PNPLA7: variants seen among roughly 807,000 people sequenced by gnomAD.
PNPLA7 encodes patatin-like phospholipase domain-containing protein 7.
Under a neutral mutation model 161.7 loss-of-function variants are expected in PNPLA7, and 153 were observed. That is an observed-to-expected ratio of 0.95 (90% CI 0.83 to 1.08). The LOEUF (loss-of-function observed/expected upper bound fraction) is 1.08. PNPLA7 is among the 50% of genes least tolerant of loss of function. The pLI is 0.00. For synonymous variants in PNPLA7, 809 were observed against 782.1 expected (o/e 1.03, Z -0.57); for missense variants, 1,739 against 1,856.6 (o/e 0.94, Z 1.16).
At chr9:137,463,388 C>A in intron 29 of PNPLA7, 27 bp downstream of exon 29, 2 of 1,568,480 alleles carry the variant, frequency 1.3e-6, no homozygotes, top group East Asian at 2.3e-5. Context: ...TGTGCTCCTG[C>A]CGGGCGTGGT....
At chr9:137,482,386 G>A (rs1488355671) in intron 21 of PNPLA7, among the ~76,000 whole-genome samples, 5 of 152,322 alleles carry the variant, frequency 3.3e-5, no homozygotes, top group East Asian at 1.9e-4. Flanking sequence ...GGCAGCGGAC[G>A]ATGACTCAGC....
chr9:137,494,411 G>A (rs536012927), intron 19 of PNPLA7, among the ~76,000 whole-genome samples: 4 of 151,996 alleles, frequency 2.6e-5, no homozygotes, highest in Admixed American at 1.3e-4. Context: ...CACCGTCACC[G>A]CCCCCACCCA....
chr9:137,484,595 C>A lies in PNPLA7; in HGVS notation c.2339G>T (p.Ser780Ile). ...AFALELEHAL[S>I]AIGPTLLLTS... is the part of the protein sequence containing the mutation. The stretch of plus-strand genomic sequence containing the variant: ...GGGAGGCTCAGGCTTACCGATGGCG[C>A]TGAGGGCATGCTCCAGCTCCAGGGC... Residue 780 changes from serine to isoleucine, a missense_variant, in exon 21 of 35, where the codon AGC becomes ATC. Coordinates refer to ENST00000406427, the MANE Select transcript of PNPLA7 (RefSeq NM_001098537.3). 1 of 1,607,774 alleles carries A rather than the reference C, an allele frequency of 6.2e-7. No homozygotes were observed. The highest frequency in any genetic ancestry group is 8.5e-7 in the Non-Finnish European group (1 of 1,176,242).
intron 11 of PNPLA7, among the ~76,000 whole-genome samples, chr9:137,519,293 G>A (rs571601971): frequency 2.8e-4 from 43 of 152,348 alleles, no homozygotes; most frequent in African/African-American, 9.4e-4. Context: ...AGTGCACGCC[G>A]CACCCGACCG....
rs1231862008 is a variant in PNPLA7, at chr9:137,491,474, G to A, written c.2197+1539C>T. ...CAAGAAACTCACTTCAAAACTCACG[G>A]TGCCGGTAAGTGGAGAGCGAAGAGT... On this transcript the variant is annotated intron_variant, in intron 20 of 34. Transcript: ENST00000406427. 6 of 980,346 alleles carry A rather than the reference G, an allele frequency of 6.1e-6. No homozygotes were observed. In the African/African-American group the frequency reaches 1.1e-4, roughly 17 times the overall value. 60.7% of individuals were successfully genotyped at this position (980,346 alleles called of 1,614,324 possible). A position where few individuals can be genotyped will look rare whatever the true frequency, so the allele number is the denominator to read the frequency against.
rs1833336858 is a variant in PNPLA7 at position 137,500,569 on chromosome 9, G to T, written c.1757+122C>A. 2 of 946,284 alleles carry T rather than the reference G, an allele frequency of 2.1e-6. No individual in the cohort carries two copies. Among genetic ancestry groups the T allele is most frequent in the Non-Finnish European group, 3.1e-6 (2 of 636,284 alleles). The allele number at this position is 946,284 out of a possible 1,614,324, so 58.6% of individuals were successfully genotyped here. On this transcript the variant is annotated intron_variant, in intron 16 of 34. Transcript: ENST00000406427. The surrounding 1 kb of genome is among the most constrained non-coding windows in gnomAD (Gnocchi z 5.5). ...GGCCCACACAGGTGCCGGGGACAAAGAGGGGAGCCCGAGAAGCAGGGAAGA... is the reference window on the plus strand; with the variant it reads ...GGCCCACACAGGTGCCGGGGACAAATAGGGGAGCCCGAGAAGCAGGGAAGA...
At chr9:137,485,925 G>T (rs544003905) in intron 20 of PNPLA7, among the ~76,000 whole-genome samples, 1 of 152,272 alleles carries the variant, frequency 6.6e-6, no homozygotes, top group East Asian at 1.9e-4. Context: ...TTTACTGGAT[G>T]CCGTCTGGCG....
At chr9:137,534,886 G>C (rs821306) in intron 8 of PNPLA7, among the ~76,000 whole-genome samples, 3 of 138,954 alleles carry the variant, frequency 2.2e-5, no homozygotes, top group South Asian at 2.5e-4. Context: ...CAAACACCAG[G>C]ACCAAGTCCC....
chr9:137,539,504 T>A lies in PNPLA7; in HGVS notation c.747+1138A>T, dbSNP rs1836074488. On this transcript the variant is annotated intron_variant, in intron 8 of 34. Coordinates refer to ENST00000406427, the MANE Select transcript of PNPLA7 (RefSeq NM_001098537.3). Reference sequence around the variant, plus strand: ...CTGGCCAACATGGCAAAACCTCATCTCTATCTCTACAAAAAAATACAAAAT... The same window carrying A: ...CTGGCCAACATGGCAAAACCTCATCACTATCTCTACAAAAAAATACAAAAT... 2.0e-5 allele frequency among the ~76,000 whole-genome samples: 3 copies of A among 152,226 alleles called. No homozygotes were observed. The South Asian group carries it at 6.2e-4, about 32-fold the overall frequency.
chr9:137,460,490 G>T lies in PNPLA7; in HGVS notation c.3946-14C>A. 6 of 1,611,730 alleles carry T rather than the reference G, an allele frequency of 3.7e-6. No homozygotes were observed. The highest frequency in any genetic ancestry group is 4.2e-6 in the Non-Finnish European group (5 of 1,179,706). ...GGACTCGTCCTCCTGCAAGCAGACC[G>T]CATGTTCCAGGTGAGGACCAGGCAG... On this transcript the variant is annotated splice_polypyrimidine_tract_variant and intron_variant, in intron 34 of 34. Transcript: ENST00000406427.
At chr9:137,460,891 C>T in intron 33 of PNPLA7, 154 bp from the exon 34 acceptor site, 2 of 627,582 alleles carry the variant, frequency 3.2e-6, no homozygotes, top group Non-Finnish European at 5.6e-6. Flanking sequence ...CCAGGGCAGC[C>T]CTGCACACCA....
chr9:137,466,334 C>T (rs975471837), intron 26 of PNPLA7, among the ~76,000 whole-genome samples: 28 of 151,864 alleles, frequency 1.8e-4, no homozygotes, highest in African/African-American at 6.8e-4. Context: ...CAGACCGCCT[C>T]CCATCGTCAA....
In PNPLA7 at chr9:137,478,079, A is replaced by G; in HGVS notation, c.2837T>C (p.Leu946Pro). The change falls in exon 25 of 35, where the codon CTG (leucine) becomes CCG (proline). Residue 946 changes from leucine (L) to proline (P), a missense_variant. Leu to Pro is a moderately conservative substitution (Grantham distance 98, BLOSUM62 -3). This residue lies in a region of PNPLA7 where 703 missense variants were observed against 694.6 expected (regional missense o/e 1.01). Transcript: ENST00000406427. ...HSDFSRLARV[L>P]TGNAIALVLG... The stretch of plus-strand genomic sequence containing the variant: ...CACCAGGGCAATGGCGTTGCCCGTC[A>G]GCACCCTCGCCAGGCGGGAGAAGTC... 1 of 1,403,146 alleles carries G rather than the reference A, an allele frequency of 7.1e-7. No individual in the cohort carries two copies. 86.9% of individuals were successfully genotyped at this position (1,403,146 alleles called of 1,614,324 possible). A position where few individuals can be genotyped will look rare whatever the true frequency, so the allele number is the denominator to read the frequency against.
At chr9:137,531,321 TAAC>T (rs1160763766) in intron 8 of PNPLA7, among the ~76,000 whole-genome samples, 3 of 152,182 alleles carry the variant, frequency 2.0e-5, no homozygotes, top group Non-Finnish European at 2.9e-5. Flanking sequence ...GGAAAAAGAA[TAAC>T]AACTTAGCAG....
At chr9:137,515,735 C>T (rs933187851) in intron 11 of PNPLA7, among the ~76,000 whole-genome samples, 7 of 147,824 alleles carry the variant, frequency 4.7e-5, no homozygotes, top group Admixed American at 1.3e-4. Flanking sequence ...GGCCCCTCCC[C>T]GCCCAATCCC....
At position 137,497,147 on chromosome 9, in the gene PNPLA7, T is replaced by C. The variant is rs1833101671; in HGVS notation, c.2013+40A>G. 5 of 1,496,678 alleles carry C rather than the reference T, an allele frequency of 3.3e-6. No individual in the cohort carries two copies. The East Asian group carries it at 1.0e-4, about 31-fold the overall frequency. The allele number at this position is 1,496,678 out of a possible 1,614,324, so 92.7% of individuals were successfully genotyped here. A position where few individuals can be genotyped will look rare whatever the true frequency, so the allele number is the denominator to read the frequency against. The stretch of plus-strand genomic sequence containing the variant: ...AGAACCCAGGATGCTCTGGGAGGGA[T>C]GCAGAGGTGGGGGAGGCAGGAGCAG... On this transcript the variant is annotated intron_variant, in intron 18 of 34. Transcript: ENST00000406427.
Position 137,543,389 on chromosome 9 carries a change from T to A in PNPLA7, c.506+43A>T. Reference sequence around the variant, plus strand: ...CAGGCCCCAGCGAGAAGCCCGGGGCTATGGGAGCTGCCGCAGCCCCCGGGG... The same window carrying A: ...CAGGCCCCAGCGAGAAGCCCGGGGCAATGGGAGCTGCCGCAGCCCCCGGGG... On this transcript the variant is annotated intron_variant, in intron 6 of 34. Transcript: ENST00000406427. This position sits in a 1 kb window ranked among gnomAD's most constrained non-coding sequence, Gnocchi z 6.9. 1 of 1,612,872 alleles carries A rather than the reference T, an allele frequency of 6.2e-7. No homozygotes were observed. The highest frequency in any genetic ancestry group is 8.5e-7 in the Non-Finnish European group (1 of 1,179,670).
intron 8 of PNPLA7, among the ~76,000 whole-genome samples, chr9:137,526,250 T>A (rs2132518108): frequency 6.6e-6 from 1 of 152,246 alleles, no homozygotes; most frequent in South Asian, 2.1e-4. Flanking sequence ...ATGCCAGACC[T>A]CACTCTGTGG....
In PNPLA7 at chr9:137,547,269, C is replaced by T. The variant is rs756073616; in HGVS notation, c.193+40G>A. Reference sequence around the variant, plus strand: ...CACATCCCAAGACACCCACGCTTTCCCCCAACCCCCCGGGCCAGAGTCGGA... The same window carrying T: ...CACATCCCAAGACACCCACGCTTTCTCCCAACCCCCCGGGCCAGAGTCGGA... On this transcript the variant is annotated intron_variant, in intron 3 of 34. Transcript: ENST00000406427. This position sits in a 1 kb window ranked among gnomAD's most constrained non-coding sequence, Gnocchi z 4.6. The T allele has an allele frequency of 6.3e-7, 1 of 1,593,636 alleles. No individual in the cohort carries two copies. The highest frequency in any genetic ancestry group is 1.7e-5 in the Admixed American group (1 of 59,994).
Sources: gnomAD v4.1 joint callset for allele counts (sites outside exome capture counted in the v4.1 genomes callset) on GRCh38, gnomAD v4.1.1 for gene constraint, gnomAD v4.1.1 regional missense constraint, Gnocchi (gnomAD v3.1) non-coding constraint, MANE v1.5 for transcripts, NCBI Gene and HGNC (gene_info 2026-07-23, HGNC 2026-07-21) for gene names.